Variants in GLT1D1 observed in about 807,000 individuals in gnomAD.
GLT1D1 encodes the protein glycosyltransferase 1 domain containing 1.
Under a neutral mutation model 28.7 loss-of-function variants are expected in GLT1D1, and 21 were observed. That is an observed-to-expected ratio of 0.73 (90% confidence interval 0.52 to 1.05). The LOEUF is 1.05. Among genes scored for constraint, GLT1D1 ranks in the 50% least tolerant of loss-of-function variants. GLT1D1 has a pLI of 0.00. For missense variants in GLT1D1, 343 were observed against 330.6 expected (o/e 1.04, Z -0.29); for synonymous variants, 147 against 124.8 (o/e 1.18, Z -1.19).
intron 6 of GLT1D1, among the ~76,000 whole-genome samples, chr12:128,952,798 T>TTTTTA: frequency 6.9e-6 from 1 of 144,162 alleles, no homozygotes; most frequent in South Asian, 2.3e-4. Context: ...TTTTTTTTTT[T>TTTTTA]GACGTACTCT....
intron 5 of GLT1D1, among the ~76,000 whole-genome samples, chr12:128,946,002 G>GC (rs137892047): frequency 6.6e-6 from 1 of 152,156 alleles, no homozygotes; most frequent in Non-Finnish European, 1.5e-5. Context: ...TGTCTTCACA[G>GC]CCCCCCAGGA....
chr12:128,972,843 G>A (rs999090357), intron 7 of GLT1D1, among the ~76,000 whole-genome samples: 1 of 152,118 alleles, frequency 6.6e-6, no homozygotes, highest in Admixed American at 6.6e-5. Flanking sequence ...TTAGTGTTTC[G>A]CTGTGTGCAT....
intron 4 of GLT1D1, among the ~76,000 whole-genome samples, chr12:128,924,640 A>G (rs1873002751): frequency 6.6e-6 from 1 of 152,002 alleles, no homozygotes; most frequent in East Asian, 2.0e-4. Context: ...TATTTTTGGT[A>G]GAGATGGGGT....
intron 4 of GLT1D1, among the ~76,000 whole-genome samples, chr12:128,925,577 G>A (rs1873120226): frequency 6.6e-6 from 1 of 152,154 alleles, no homozygotes; most frequent in African/African-American, 2.4e-5. Flanking sequence ...TCTTGATCCA[G>A]TCTATCATTG....
At chr12:128,969,998 C>G (rs1195428987) in intron 7 of GLT1D1, among the ~76,000 whole-genome samples, 10 of 152,190 alleles carry the variant, frequency 6.6e-5, no homozygotes, top group Admixed American at 6.5e-4. Context: ...TGGAGGCCTC[C>G]TGGTGATCTG....
intron 4 of GLT1D1, among the ~76,000 whole-genome samples, chr12:128,935,852 G>A (rs552333470): frequency 3.2e-4 from 49 of 152,254 alleles, no homozygotes; most frequent in African/African-American, 8.4e-4. Flanking sequence ...TTGTAGTCCC[G>A]TACGAAATCC....
chr12:128,908,384 C>CTTTCT (rs879556306), intron 4 of GLT1D1, among the ~76,000 whole-genome samples: 2 of 42,566 alleles, frequency 4.7e-5, no homozygotes, highest in Non-Finnish European at 1.3e-4. Context: ...TTTTCTTTCT[C>CTTTCT]TTTCTTTCTC....
Position 128,874,100 on chromosome 12 carries a change from C to CTT in GLT1D1, c.69-1813_69-1812insTT, listed in dbSNP as rs1219784154. 5.5e-3 allele frequency among the ~76,000 whole-genome samples: 234 copies of CTT among 42,858 alleles called. 4 individuals carry two copies. The highest frequency in any genetic ancestry group is 0.017 in the African/African-American group (150 of 8,880). 28.1% of individuals were successfully genotyped at this position (42,858 alleles called of 152,430 possible). A position where few individuals can be genotyped will look rare whatever the true frequency, so the allele number is the denominator to read the frequency against. Reference sequence around the variant, plus strand: ...TCTTTCTTTCTTTCTTTCTTTCTTTCTCTCTCTCTCTCTCTCTCTCTCTCT... The same window carrying CTT: ...TCTTTCTTTCTTTCTTTCTTTCTTTCTTTCTCTCTCTCTCTCTCTCTCTCTCT... On this transcript the variant is annotated intron_variant, in intron 1 of 7. Transcript: ENST00000281703.
At chr12:128,912,772 C>T (rs1871675378) in intron 4 of GLT1D1, among the ~76,000 whole-genome samples, 1 of 151,874 alleles carries the variant, frequency 6.6e-6, no homozygotes, top group Admixed American at 6.6e-5. Flanking sequence ...AAGCGTTTCT[C>T]TAGCCTCAGC....
Position 128,952,773 on chromosome 12 carries a change from C to CTTTTTTT in GLT1D1, c.541-4753_541-4747dup, listed in dbSNP as rs71072430. On this transcript the variant is annotated intron_variant, in intron 6 of 7. Transcript: ENST00000281703. ...TACAGGTGTGAGCCACCGTGACTGG[C>CTTTTTTT]TTTTTTTTTTTTTTTTTTTTTTTTT... Among the ~76,000 whole-genome samples, 93 of 58,930 alleles carry CTTTTTTT rather than the reference C, an allele frequency of 1.6e-3. 16 individuals carry two copies. Among genetic ancestry groups the CTTTTTTT allele is most frequent in the East Asian group, 3.6e-3 (5 of 1,396 alleles). The allele number at this position is 58,930 out of a possible 152,430, so 38.7% of individuals were successfully genotyped here. A position where few individuals can be genotyped will look rare whatever the true frequency, so the allele number is the denominator to read the frequency against.
chr12:128,948,681 A>C (rs1420972638), intron 6 of GLT1D1, among the ~76,000 whole-genome samples: 1 of 152,018 alleles, frequency 6.6e-6, no homozygotes, highest in Non-Finnish European at 1.5e-5. Context: ...TGGGATATCC[A>C]TGTATCCCCT....
At chr12:128,958,285 C>T (rs773014412) in intron 7 of GLT1D1, among the ~76,000 whole-genome samples, 15 of 152,120 alleles carry the variant, frequency 9.9e-5, no homozygotes, top group African/African-American at 2.2e-4. Context: ...TGACCCTGGC[C>T]GAGTCTCCAA....
chr12:128,953,267 C>G (rs470760), intron 6 of GLT1D1, among the ~76,000 whole-genome samples: 22,949 of 152,116 alleles, frequency 0.15, 1,987 homozygotes, highest in East Asian at 0.3. Context: ...TAAATATTTC[C>G]TCCCATTCTG....
At chr12:128,877,514 T>G (rs1956896557) in intron 2 of GLT1D1, among the ~76,000 whole-genome samples, 1 of 152,218 alleles carries the variant, frequency 6.6e-6, no homozygotes, top group South Asian at 2.1e-4. Flanking sequence ...TCTTCATATA[T>G]GGGCACATCT....
At chr12:128,925,497 C>T (rs1018352279) in intron 4 of GLT1D1, among the ~76,000 whole-genome samples, 7 of 152,132 alleles carry the variant, frequency 4.6e-5, no homozygotes, top group African/African-American at 1.7e-4. Context: ...TATCCATGTC[C>T]CTGCAAAGGA....
Position 128,957,612 on chromosome 12 carries a change from A to G in GLT1D1, c.608A>G (p.Glu203Gly). ...GGGAATGCTGCCGTGGTGAAGCATG[A>G]AGTCACAGGGCTACTGTTTTCCAAT... Residue 203 changes from glutamate (E) to glycine (G), a missense_variant, in exon 7 of 8, where the codon GAA becomes GGA. Glu to Gly is a moderately conservative substitution (Grantham distance 98). Coordinates refer to ENST00000281703, the MANE Select transcript of GLT1D1 (RefSeq NM_144669.3). The G allele has an allele frequency of 6.2e-7, 1 of 1,613,416 alleles. No individual in the cohort carries two copies. Among genetic ancestry groups the G allele is most frequent in the Non-Finnish European group, 8.5e-7 (1 of 1,179,400 alleles).
intron 4 of GLT1D1, chr12:128,944,829 G>T: frequency 4.0e-6 from 1 of 247,986 alleles, no homozygotes; most frequent in Non-Finnish European, 7.7e-6. Context: ...TAAAGTTCTG[G>T]GGTACATGTG....
chr12:128,914,973 C>G (rs1458223876), intron 4 of GLT1D1: 6 of 1,535,822 alleles, frequency 3.9e-6, no homozygotes, highest in Non-Finnish European at 4.4e-6. Flanking sequence ...ACTGGAATAC[C>G]TTTCTTCAAC....
At chr12:128,905,779 G>C (rs907731350) in intron 4 of GLT1D1, among the ~76,000 whole-genome samples, 7 of 151,944 alleles carry the variant, frequency 4.6e-5, no homozygotes, top group Non-Finnish European at 4.4e-5. Context: ...TTATGTTTTG[G>C]GATGGCATTA....
Sources: gnomAD v4.1 joint callset for allele counts (sites outside exome capture counted in the v4.1 genomes callset) on GRCh38, gnomAD v4.1.1 for gene constraint, MANE v1.5 for transcripts, NCBI Gene and HGNC (gene_info 2026-07-23, HGNC 2026-07-21) for gene names.